Variants in ATP2A3 observed in about 807,000 individuals in gnomAD.
ATP2A3 encodes the protein sarcoplasmic/endoplasmic reticulum calcium ATPase 3.
In ATP2A3, 61 loss-of-function variants were observed where a neutral mutation model predicts 106.8. The observed-to-expected ratio is 0.57, with a 90% CI of 0.46 to 0.71. The LOEUF (loss-of-function observed/expected upper bound fraction) is 0.71, where lower values mean the gene tolerates loss of function less well. Ranked by LOEUF, ATP2A3 falls within the 30% of genes least tolerant of loss-of-function variation. The pLI is 0.00. For missense variants in ATP2A3, 1,201 were observed against 1,423.5 expected, an observed-to-expected ratio of 0.84 and a Z score of 2.52; for synonymous variants, 611 against 609.3, an observed-to-expected ratio of 1.00 and a Z score of -0.04.
intron 17 of ATP2A3, among the ~76,000 whole-genome samples, chr17:3,934,727 T>C (rs1168452695): frequency 1.3e-5 from 2 of 151,676 alleles, no homozygotes; most frequent in East Asian, 3.9e-4. Context: ...TTTCACCTCG[T>C]TGGACGGCTG....
intron 1 of ATP2A3, among the ~76,000 whole-genome samples, chr17:3,957,311 A>G (rs2054839886): frequency 6.6e-6 from 1 of 152,202 alleles, no homozygotes; most frequent in Non-Finnish European, 1.5e-5. Flanking sequence ...TTTTGAGCTC[A>G]GGCAGTCTGG....
In ATP2A3 at chr17:3,964,288, C is replaced by T; in HGVS notation, c.4G>A (p.Glu2Lys). 7.9e-7 allele frequency: 1 copy of T among 1,262,904 alleles called. No individual in the cohort carries two copies. The highest frequency in any genetic ancestry group is 1.0e-6 in the Non-Finnish European group (1 of 990,590). 78.2% of individuals were successfully genotyped at this position (1,262,904 alleles called of 1,614,324 possible). Residue 2 changes from glutamate (E) to lysine (K), a missense_variant, in exon 1 of 21, where the codon GAG becomes AAG. Transcript: ENST00000397041. ...GCGGCCGGGAGCAGATGCGCCGCCT[C>T]CATGCCGCCCGCCCGGCCGTCTGCG... is the stretch of plus-strand genomic sequence containing the variant. M[E>K]AAHLLPAADV...
intron 1 of ATP2A3, among the ~76,000 whole-genome samples, chr17:3,962,386 T>C (rs2055190021): frequency 6.6e-6 from 1 of 152,118 alleles, no homozygotes; most frequent in South Asian, 2.1e-4. Flanking sequence ...AGATAATAGA[T>C]GAAAAATGCT....
intron 11 of ATP2A3, 106 bp downstream of exon 11, chr17:3,943,285 A>C (rs1267841038): frequency 4.0e-6 from 6 of 1,496,720 alleles, no homozygotes; most frequent in Non-Finnish European, 5.4e-6. Context: ...AAAAAAAAAA[A>C]ACAAAACGAA....
At chr17:3,963,095 A>T (rs2055228984) in intron 1 of ATP2A3, among the ~76,000 whole-genome samples, 1 of 152,208 alleles carries the variant, frequency 6.6e-6, no homozygotes, top group South Asian at 2.1e-4. Context: ...GTTTTCATAA[A>T]CCAATACAAA....
rs779812985 is a variant in ATP2A3 at position 3,930,345 on chromosome 17, G to A, written c.2700C>T (p.Ala900=). 2 of 1,612,780 alleles carry A rather than the reference G, an allele frequency of 1.2e-6. No individual in the cohort carries two copies. The highest frequency in any genetic ancestry group is 1.1e-5 in the South Asian group (1 of 90,772). ...VFESRFPTTM[A]LSVLVTIEMC... is the part of the protein sequence containing the mutation. ...TTTCAATGGTCACGAGCACGGACAA[G>A]GCCATGGTGGTGGGGAAGCGTGACT... The change falls in exon 18 of 21, where the codon GCC becomes GCT. Residue 900 remains alanine, a synonymous_variant. Coordinates refer to ENST00000397041, the MANE Select transcript of ATP2A3 (RefSeq NM_005173.4). The surrounding 1 kb of genome is among the most constrained non-coding windows in gnomAD (Gnocchi z 5.4).
At position 3,930,203 on chromosome 17, in the gene ATP2A3, GCCCACCTGGACCCCTGAC is replaced by G; in HGVS notation, c.2744+80_2744+97del. 1.1e-5 allele frequency: 12 copies of G among 1,137,366 alleles called. No individual in the cohort carries two copies. The highest frequency in any genetic ancestry group is 3.3e-5 in the Admixed American group (1 of 30,268). The allele number at this position is 1,137,366 out of a possible 1,614,324, so 70.5% of individuals were successfully genotyped here. A position where few individuals can be genotyped will look rare whatever the true frequency, so the allele number is the denominator to read the frequency against. ...GCCCCAGCTCCAGGCCCTGCGCCCAGCCCACCTGGACCCCTGACCCTCAGACACTGATACTGGAACCCC... is the reference window on the plus strand; with the variant it reads ...GCCCCAGCTCCAGGCCCTGCGCCCAGCCTCAGACACTGATACTGGAACCCC... On this transcript the variant is annotated intron_variant, in intron 18 of 20. Coordinates refer to ENST00000397041, the MANE Select transcript of ATP2A3 (RefSeq NM_005173.4). This position sits in a 1 kb window ranked among gnomAD's most constrained non-coding sequence, Gnocchi z 5.4.
In ATP2A3 at chr17:3,958,849, A is replaced by ACAC. The variant is rs2054965787; in HGVS notation, c.119-5140_119-5139insGTG. ...ATATATATACACACACACATATATA[A>ACAC]ATATATATATATATATATATACACA... is the stretch of plus-strand genomic sequence containing the variant. On this transcript the variant is annotated intron_variant, in intron 1 of 20. Coordinates refer to ENST00000397041, the MANE Select transcript of ATP2A3 (RefSeq NM_005173.4). Among the ~76,000 whole-genome samples the ACAC allele has an allele frequency of 3.8e-3, 322 of 84,180 alleles. 15 individuals carry two copies. The highest frequency in any genetic ancestry group is 0.015 in the African/African-American group (270 of 17,788). 55.2% of individuals were successfully genotyped at this position (84,180 alleles called of 152,430 possible).
chr17:3,924,384 A>T lies in ATP2A3; in HGVS notation c.*1038T>A, dbSNP rs998995347. The T allele has an allele frequency of 5.9e-6, 1 of 168,716 alleles. No individual in the cohort carries two copies. Among genetic ancestry groups the T allele is most frequent in the African/African-American group, 2.4e-5 (1 of 41,718 alleles). The allele number at this position is 168,716 out of a possible 1,614,324, so 10.5% of individuals were successfully genotyped here. Reference sequence around the variant, plus strand: ...GGAGGGAGAGCGGGTGCCCTTGGGGAATCAGCCATCCTTAGTGACATCCTT... The same window carrying T: ...GGAGGGAGAGCGGGTGCCCTTGGGGTATCAGCCATCCTTAGTGACATCCTT... On this transcript the variant is annotated 3_prime_UTR_variant, in exon 21 of 21. Transcript: ENST00000397041. The surrounding 1 kb of genome is among the most constrained non-coding windows in gnomAD (Gnocchi z 6.4).
chr17:3,947,617 C>T lies in ATP2A3; in HGVS notation c.869G>A (p.Arg290His), dbSNP rs761453566. 7 of 1,612,374 alleles carry T rather than the reference C, an allele frequency of 4.3e-6. No homozygotes were observed. Among genetic ancestry groups the T allele is most frequent in the Middle Eastern group, 3.3e-4 (2 of 6,084 alleles). The change falls in exon 8 of 21, where the codon CGT (arginine) becomes CAT (histidine). Residue 290 changes from arginine to histidine, a missense_variant. Around this residue, in one of 2 missense-constraint regions of ATP2A3, gnomAD observed 935 missense variants for 1,176.7 expected, o/e 0.79. Transcript: ENST00000397041. This position sits in a 1 kb window ranked among gnomAD's most constrained non-coding sequence, Gnocchi z 7.7. ...ADPAHGGSWLRGAVYYFKIAV... is the reference protein window; with the variant it reads ...ADPAHGGSWLHGAVYYFKIAV... Reference sequence around the variant, plus strand: ...GATCTTGAAGTAGTAGACAGCGCCACGCAGCCAGGAGCCACCGTGGGCCGG... The same window carrying T: ...GATCTTGAAGTAGTAGACAGCGCCATGCAGCCAGGAGCCACCGTGGGCCGG...
In ATP2A3 at chr17:3,936,887, A is replaced by G. The variant is rs2053478673; in HGVS notation, c.2322-418T>C. 6.1e-6 allele frequency: 2 copies of G among 330,520 alleles called. No individual in the cohort carries two copies. Among genetic ancestry groups the G allele is most frequent in the Admixed American group, 8.6e-5 (2 of 23,388 alleles). The allele number at this position is 330,520 out of a possible 1,614,324, so 20.5% of individuals were successfully genotyped here. ...AGAGATGCAGAATCCATCCATGTCC[A>G]GCAACACACACGCTCACCATTCCCC... is the stretch of plus-strand genomic sequence containing the variant. On this transcript the variant is annotated intron_variant, in intron 15 of 20. Transcript: ENST00000397041. This position sits in a 1 kb window ranked among gnomAD's most constrained non-coding sequence, Gnocchi z 5.4.
At chr17:3,956,591 C>A (rs1283274049) in intron 1 of ATP2A3, among the ~76,000 whole-genome samples, 1 of 152,198 alleles carries the variant, frequency 6.6e-6, no homozygotes, top group African/African-American at 2.4e-5. Flanking sequence ...GGCTGGAGCT[C>A]TTTGACACTC....
At chr17:3,940,345 T>C (rs946906514) in intron 14 of ATP2A3, among the ~76,000 whole-genome samples, 2 of 152,136 alleles carry the variant, frequency 1.3e-5, no homozygotes, top group African/African-American at 4.8e-5. Flanking sequence ...GGGGGAAGTA[T>C]GCCGATGTCT....
chr17:3,932,534 G>C lies in ATP2A3; in HGVS notation c.2611-2100C>G, dbSNP rs551783479. ...AGCTCACTGTAGCCTCGACTTCCTG[G>C]GCTCAGGTGATTGTCCCACCGCAGC... On this transcript the variant is annotated intron_variant, in intron 17 of 20. Coordinates refer to ENST00000397041, the MANE Select transcript of ATP2A3 (RefSeq NM_005173.4). Among the ~76,000 whole-genome samples, 198 of 152,256 alleles carry C rather than the reference G, an allele frequency of 1.3e-3. 2 individuals are homozygous for C. The South Asian group carries it at 0.015, about 12-fold the overall frequency.
In ATP2A3 at chr17:3,943,477, G is replaced by A. The variant is rs762316175; in HGVS notation, c.1333C>T (p.Leu445=). 6.2e-7 allele frequency: 1 copy of A among 1,613,974 alleles called. No individual in the cohort carries two copies. The highest frequency in any genetic ancestry group is 8.5e-7 in the Non-Finnish European group (1 of 1,180,004). ...EKVGEATETA[L]TCLVEKMNVF... ...TTCATCTTCTCCACCAGGCAAGTCA[G>A]AGCTGTCTCCGTGGCCTCTCCCACC... The change falls in exon 11 of 21, where the codon CTG becomes TTG. Residue 445 remains leucine (L), a synonymous_variant. Transcript: ENST00000397041.
chr17:3,936,207 G>A lies in ATP2A3; in HGVS notation c.2524+60C>T, dbSNP rs937092013. On this transcript the variant is annotated intron_variant, in intron 16 of 20. Coordinates refer to ENST00000397041, the MANE Select transcript of ATP2A3 (RefSeq NM_005173.4). This position sits in a 1 kb window ranked among gnomAD's most constrained non-coding sequence, Gnocchi z 5.4. ...GAGTCACACTGTCTGCAGCTTGCAA[G>A]CCTGATACAAGGCTCTTAGGAAGCT... The A allele has an allele frequency of 8.8e-6, 14 of 1,596,010 alleles. No individual in the cohort carries two copies. The highest frequency in any genetic ancestry group is 3.3e-4 in the Middle Eastern group (2 of 6,028).
chr17:3,946,784 G>C, intron 8 of ATP2A3, among the ~76,000 whole-genome samples: 1 of 152,098 alleles, frequency 6.6e-6, no homozygotes, highest in Non-Finnish European at 1.5e-5. Flanking sequence ...GGAAGGGTGG[G>C]GAACACATAG....
chr17:3,933,987 G>A (rs571685650), intron 17 of ATP2A3, among the ~76,000 whole-genome samples: 3 of 150,590 alleles, frequency 2.0e-5, no homozygotes, highest in African/African-American at 7.4e-5. Context: ...GCAGTGGTGC[G>A]ATCTCAGCTC....
In ATP2A3 at chr17:3,950,739, G is replaced by T; in HGVS notation, c.498C>A (p.Ile166=). 6.2e-7 allele frequency: 1 copy of T among 1,613,846 alleles called. No individual in the cohort carries two copies. The highest frequency in any genetic ancestry group is 1.1e-5 in the South Asian group (1 of 91,076). The change falls in exon 6 of 21, where the codon ATC becomes ATA. Residue 166 remains isoleucine (I), a synonymous_variant. Coordinates refer to ENST00000397041, the MANE Select transcript of ATP2A3 (RefSeq NM_005173.4). The part of the protein sequence containing the change: ...GDKVPADLRL[I]EIKSTTLRVD... The stretch of plus-strand genomic sequence containing the variant: ...CTCGCAGCGTGGTGGACTTGATCTC[G>T]ATGAGGCGGAGGTCAGCAGGCACTT...
Sources: allele counts gnomAD v4.1 joint callset (sites outside exome capture counted in the v4.1 genomes callset), GRCh38; gene constraint gnomAD v4.1.1; regional missense constraint gnomAD v4.1.1; non-coding constraint Gnocchi (gnomAD v3.1); transcripts MANE v1.5; gene names NCBI Gene and HGNC (gene_info 2026-07-23, HGNC 2026-07-21).